MLN: variants seen among roughly 807,000 people sequenced by gnomAD.
The protein encoded by MLN is motilin.
MLN carries 14 observed loss-of-function variants against 13.3 expected under a neutral mutation model. That is an observed-to-expected ratio of 1.05 (90% CI 0.69 to 1.64). The LOEUF (loss-of-function observed/expected upper bound fraction) is 1.64. Among genes scored for constraint, MLN ranks in the 40% most tolerant of loss-of-function variants. The probability of loss-of-function intolerance (pLI) is 0.00; values close to 1 mark genes in which losing one functional copy is unlikely to be tolerated. For missense variants in MLN, 122 were observed against 142.9 expected (o/e 0.85, Z 0.75); for synonymous variants, 59 against 54.7 (o/e 1.08, Z -0.34).
rs113537016 is a variant in MLN, at chr6:33,799,465, C to T, written c.118-244G>A. Among the ~76,000 whole-genome samples the T allele has an allele frequency of 1.3e-5, 2 of 152,262 alleles. No individual in the cohort carries two copies. The highest frequency in any genetic ancestry group is 6.5e-5 in the Admixed American group (1 of 15,308). On this transcript the variant is annotated intron_variant, in intron 2 of 4. Transcript: ENST00000430124. The surrounding 1 kb of genome is among the most constrained non-coding windows in gnomAD (Gnocchi z 4.6). Reference sequence around the variant, plus strand: ...AGGTCAACTTGAAGAGGAATCCATTCCTTTGTAGTTAAAACATTGCACCCA... The same window carrying T: ...AGGTCAACTTGAAGAGGAATCCATTTCTTTGTAGTTAAAACATTGCACCCA...
intron 3 of MLN, among the ~76,000 whole-genome samples, chr6:33,796,101 A>C (rs1458108150): frequency 6.6e-6 from 1 of 151,954 alleles, no homozygotes; most frequent in Non-Finnish European, 1.5e-5. Context: ...CTGGGACTAC[A>C]GGCGCCCGCT....
chr6:33,795,047 C>T (rs1239493466), intron 4 of MLN, among the ~76,000 whole-genome samples: 2 of 152,196 alleles, frequency 1.3e-5, no homozygotes, highest in African/African-American at 4.8e-5. Flanking sequence ...AGCACTTCCT[C>T]GAGTCTCTCC....
At position 33,801,159 on chromosome 6, in the gene MLN, A is replaced by G. The variant is rs1768039722; in HGVS notation, c.5T>C (p.Val2Ala). Residue 2 changes from valine to alanine, a missense_variant, in exon 2 of 5, where the codon GTA (valine) becomes GCA (alanine). Transcript: ENST00000430124. M[V>A]SRKAVAALLV... Reference sequence around the variant, plus strand: ...CAGAGCAGCCACAGCCTTACGGGATACCATCTTGGAGCTGGACAATGACAA... The same window carrying G: ...CAGAGCAGCCACAGCCTTACGGGATGCCATCTTGGAGCTGGACAATGACAA... 1.9e-6 allele frequency: 3 copies of G among 1,612,488 alleles called. No homozygotes were observed. The highest frequency in any genetic ancestry group is 2.5e-6 in the Non-Finnish European group (3 of 1,178,712).
chr6:33,797,813 C>T (rs77120960), intron 3 of MLN, among the ~76,000 whole-genome samples: 13 of 152,094 alleles, frequency 8.5e-5, no homozygotes, highest in African/African-American at 2.9e-4. Flanking sequence ...GCTGGAGAGA[C>T]CCCTTTAAAA....
At chr6:33,800,451 C>T (rs1768016302) in intron 2 of MLN, among the ~76,000 whole-genome samples, 2 of 152,244 alleles carry the variant, frequency 1.3e-5, no homozygotes. Flanking sequence ...GCTACATGGA[C>T]CGCAGCCTTG....
In MLN at chr6:33,803,006, T is replaced by TA. The variant is rs1320045324; in HGVS notation, c.-8+946dup. ...ATAGGAATCAATAAAAACTTTAAAT[T>TA]AAAAAAAAGGCAAAATCCAATTGCT... is the stretch of plus-strand genomic sequence containing the variant. On this transcript the variant is annotated intron_variant, in intron 1 of 4. Coordinates refer to ENST00000430124, the MANE Select transcript of MLN (RefSeq NM_002418.3). This position sits in a 1 kb window ranked among gnomAD's most constrained non-coding sequence, Gnocchi z 4.5. Among the ~76,000 whole-genome samples the TA allele has an allele frequency of 2.6e-5, 4 of 151,866 alleles. No homozygotes were observed. Among genetic ancestry groups the TA allele is most frequent in the South Asian group, 2.1e-4 (1 of 4,818 alleles).
Position 33,802,255 on chromosome 6 carries a change from C to T in MLN, c.-7-1085G>A, listed in dbSNP as rs113606555. Among the ~76,000 whole-genome samples, 7 of 152,292 alleles carry T rather than the reference C, an allele frequency of 4.6e-5. 1 individual carries two copies. The highest frequency in any genetic ancestry group is 1.4e-4 in the African/African-American group (6 of 41,554). ...TGCATCTTGGGCACCACTGTTCCTG[C>T]GCTGGGTGGACTGCTGAGTGCAGGG... On this transcript the variant is annotated intron_variant, in intron 1 of 4. Transcript: ENST00000430124.
chr6:33,802,183 T>C (rs546825507), intron 1 of MLN, among the ~76,000 whole-genome samples: 1 of 152,298 alleles, frequency 6.6e-6, no homozygotes, highest in South Asian at 2.1e-4. Flanking sequence ...CTACGTTGCC[T>C]CTGCCCATAG....
chr6:33,799,061 G>T lies in MLN; in HGVS notation c.234+44C>A. 7.3e-7 allele frequency: 1 copy of T among 1,376,954 alleles called. No homozygotes were observed. The highest frequency in any genetic ancestry group is 1.0e-6 in the Non-Finnish European group (1 of 971,000). 85.3% of individuals were successfully genotyped at this position (1,376,954 alleles called of 1,614,324 possible). A position where few individuals can be genotyped will look rare whatever the true frequency, so the allele number is the denominator to read the frequency against. ...CTCCAGGCCAGGCAGGGGAATGCAT[G>T]CCCTGCTCTGAGTTTCTCTCCTTTG... is the stretch of plus-strand genomic sequence containing the variant. On this transcript the variant is annotated intron_variant, in intron 3 of 4. Transcript: ENST00000430124. This position sits in a 1 kb window ranked among gnomAD's most constrained non-coding sequence, Gnocchi z 4.6.
Position 33,799,254 on chromosome 6 carries a change from C to T in MLN, c.118-33G>A. ...CAGAACAGAAAATTGCACAAAACCG[C>T]CCTCCCTCAACCCACGCTGATGGCC... On this transcript the variant is annotated intron_variant, in intron 2 of 4. Transcript: ENST00000430124. The surrounding 1 kb of genome is among the most constrained non-coding windows in gnomAD (Gnocchi z 4.6). The T allele has an allele frequency of 6.5e-7, 1 of 1,541,996 alleles. No homozygotes were observed. Among genetic ancestry groups the T allele is most frequent in the East Asian group, 2.3e-5 (1 of 44,104 alleles).
chr6:33,799,253 G>T lies in MLN; in HGVS notation c.118-32C>A, dbSNP rs767124087. The T allele has an allele frequency of 1.3e-6, 2 of 1,539,608 alleles. No homozygotes were observed. Among genetic ancestry groups the T allele is most frequent in the African/African-American group, 1.4e-5 (1 of 73,488 alleles). On this transcript the variant is annotated intron_variant, in intron 2 of 4. Coordinates refer to ENST00000430124, the MANE Select transcript of MLN (RefSeq NM_002418.3). This position sits in a 1 kb window ranked among gnomAD's most constrained non-coding sequence, Gnocchi z 4.6. ...GCAGAACAGAAAATTGCACAAAACC[G>T]CCCTCCCTCAACCCACGCTGATGGC...
At chr6:33,797,663 T>A (rs1385750642) in intron 3 of MLN, among the ~76,000 whole-genome samples, 2 of 152,080 alleles carry the variant, frequency 1.3e-5, no homozygotes, top group African/African-American at 4.8e-5. Context: ...AAATCCAACC[T>A]CCTTGCCCTG....
chr6:33,802,924 T>C (rs1012556320), intron 1 of MLN, among the ~76,000 whole-genome samples: 1 of 152,222 alleles, frequency 6.6e-6, no homozygotes, highest in Non-Finnish European at 1.5e-5. Context: ...TGGCATCCCA[T>C]TTCCTTCACA....
In MLN at chr6:33,799,269, C is replaced by T. The variant is rs933604639; in HGVS notation, c.118-48G>A. On this transcript the variant is annotated intron_variant, in intron 2 of 4. Transcript: ENST00000430124. The surrounding 1 kb of genome is among the most constrained non-coding windows in gnomAD (Gnocchi z 4.6). Reference sequence around the variant, plus strand: ...CACAAAACCGCCCTCCCTCAACCCACGCTGATGGCCCCTTGCCTGTCTCCA... The same window carrying T: ...CACAAAACCGCCCTCCCTCAACCCATGCTGATGGCCCCTTGCCTGTCTCCA... 1.8e-5 allele frequency: 24 copies of T among 1,350,598 alleles called. No homozygotes were observed. Among genetic ancestry groups the T allele is most frequent in the Non-Finnish European group, 2.2e-5 (21 of 946,044 alleles). The allele number at this position is 1,350,598 out of a possible 1,614,324, so 83.7% of individuals were successfully genotyped here. A position where few individuals can be genotyped will look rare whatever the true frequency, so the allele number is the denominator to read the frequency against.
At position 33,803,218 on chromosome 6, in the gene MLN, C is replaced by T. The variant is rs1760886583; in HGVS notation, c.-8+735G>A. Among the ~76,000 whole-genome samples the T allele has an allele frequency of 6.6e-6, 1 of 152,094 alleles. No homozygotes were observed. On this transcript the variant is annotated intron_variant, in intron 1 of 4. Transcript: ENST00000430124. This position sits in a 1 kb window ranked among gnomAD's most constrained non-coding sequence, Gnocchi z 4.5. The stretch of plus-strand genomic sequence containing the variant: ...CTGCATGAAGGGGGTGACCGTCTGC[C>T]CTCCCTTGCAGCACCCCTGGCCGGG...
chr6:33,795,766 T>G (rs1050151244), intron 3 of MLN, among the ~76,000 whole-genome samples, 161 bp from the exon 4 acceptor site: 2 of 152,072 alleles, frequency 1.3e-5, no homozygotes, highest in African/African-American at 4.8e-5. Flanking sequence ...CTTCCCCTAA[T>G]TCTAACCAGA....
intron 1 of MLN, 95 bp from the exon 2 acceptor site, chr6:33,801,265 T>C (rs942617377): frequency 2.3e-6 from 2 of 860,174 alleles, no homozygotes; most frequent in African/African-American, 3.3e-5. Context: ...GCCCATGCCC[T>C]ACCTCTAGCT....
intron 3 of MLN, among the ~76,000 whole-genome samples, chr6:33,797,604 A>G (rs1767956285): frequency 1.3e-5 from 2 of 152,068 alleles, no homozygotes; most frequent in South Asian, 2.1e-4. Flanking sequence ...TACATCCTAT[A>G]TCCATTCTTT....
intron 1 of MLN, among the ~76,000 whole-genome samples, chr6:33,801,605 A>G (rs1005724552): frequency 1.3e-5 from 2 of 152,222 alleles, no homozygotes; most frequent in Non-Finnish European, 2.9e-5. Context: ...TAGAATGACA[A>G]AAGGGGTGGA....
Sources: gnomAD v4.1 joint callset for allele counts (sites outside exome capture counted in the v4.1 genomes callset) on GRCh38, gnomAD v4.1.1 for gene constraint, Gnocchi (gnomAD v3.1) non-coding constraint, MANE v1.5 for transcripts, NCBI Gene and HGNC (gene_info 2026-07-23, HGNC 2026-07-21) for gene names.